FREM1: variants seen among roughly 807,000 people sequenced by gnomAD.
FREM1 encodes FRAS1 related extracellular matrix 1.
Under a neutral mutation model 210.1 loss-of-function variants are expected in FREM1, and 220 were observed. The observed-to-expected ratio is 1.05, with a 90% CI of 0.94 to 1.17. The LOEUF (loss-of-function observed/expected upper bound fraction) is 1.17. FREM1 is among the 50% of genes most tolerant of loss of function. The pLI, the probability that FREM1 is intolerant of heterozygous loss-of-function variation, is 0.00. For missense variants in FREM1, 3,454 were observed against 2,675.5 expected (o/e 1.29, Z -6.42); for synonymous variants, 1,189 against 980.2 (o/e 1.21, Z -3.98).
At chr9:14,762,151 T>A (rs1379383091) in intron 27 of FREM1, among the ~76,000 whole-genome samples, 1 of 150,908 alleles carries the variant, frequency 6.6e-6, no homozygotes, top group East Asian at 1.9e-4. Flanking sequence ...CCAATAGAAA[T>A]ATGTTGCAAA....
chr9:14,781,569 T>C (rs550193655), intron 24 of FREM1, among the ~76,000 whole-genome samples: 1 of 152,290 alleles, frequency 6.6e-6, no homozygotes, highest in South Asian at 2.1e-4. Flanking sequence ...ATATTTAGTT[T>C]TATGGTATTT....
chr9:14,846,089 G>T lies in FREM1; in HGVS notation c.1264C>A (p.Leu422Met). The T allele has an allele frequency of 6.4e-7, 1 of 1,568,514 alleles. No individual in the cohort carries two copies. Among genetic ancestry groups the T allele is most frequent in the Non-Finnish European group, 8.7e-7 (1 of 1,155,590 alleles). ...NAPRVSWNTG[L>M]SLLEGQSRAI... The stretch of plus-strand genomic sequence containing the variant: ...CGAGACTGCCCCTCAAGGAGACTCA[G>T]ACCTATGAAAGAAAGGAGAAAAGGG... Residue 422 changes from leucine (L) to methionine (M), a missense_variant and splice_region_variant, in exon 8 of 37, where the codon CTG becomes ATG. Transcript: ENST00000380880.
intron 23 of FREM1, among the ~76,000 whole-genome samples, chr9:14,788,204 T>C (rs150796277): frequency 6.6e-6 from 1 of 152,280 alleles, no homozygotes; most frequent in East Asian, 1.9e-4. Context: ...GAATGAGATA[T>C]GATCCTCACA....
intron 24 of FREM1, among the ~76,000 whole-genome samples, chr9:14,777,595 C>A (rs2132669633): frequency 6.6e-6 from 1 of 152,054 alleles, no homozygotes; most frequent in East Asian, 1.9e-4. Flanking sequence ...CTATACATAA[C>A]ATTTTTATGT....
In FREM1 at chr9:14,775,880, T is replaced by G; in HGVS notation, c.4766A>C (p.Asp1589Ala). 2 of 1,613,864 alleles carry G rather than the reference T, an allele frequency of 1.2e-6. No individual in the cohort carries two copies. The highest frequency in any genetic ancestry group is 1.7e-6 in the Non-Finnish European group (2 of 1,179,788). Residue 1589 changes from aspartate to alanine, a missense_variant, in exon 25 of 37, where the codon GAC (aspartate) becomes GCC (alanine). Coordinates refer to ENST00000380880, the MANE Select transcript of FREM1 (RefSeq NM_001379081.2). ...ATCTGTGGCCATGAAAGTAAAGCAG[T>G]CAGTCTGGGAGTCCCCTCCTGAGTG... Reference protein sequence around the residue: ...YRHSGGDSQTDCFTFMATDGT... With the variant: ...YRHSGGDSQTACFTFMATDGT...
At chr9:14,903,313 G>T (rs1034616109) in intron 1 of FREM1, among the ~76,000 whole-genome samples, 4 of 152,168 alleles carry the variant, frequency 2.6e-5, no homozygotes, top group African/African-American at 9.7e-5. Flanking sequence ...TAAAAGGAAA[G>T]AAAATTATGA....
intron 24 of FREM1, among the ~76,000 whole-genome samples, chr9:14,782,598 C>G (rs1256798958): frequency 1.3e-5 from 2 of 152,100 alleles, no homozygotes; most frequent in Non-Finnish European, 2.9e-5. Context: ...CATAAGCAAA[C>G]AGGAAAAAAA....
intron 3 of FREM1, among the ~76,000 whole-genome samples, chr9:14,860,662 TACATATATACAC>T (rs1829772227): frequency 6.8e-5 from 9 of 133,224 alleles, no homozygotes; most frequent in East Asian, 4.1e-4. Context: ...TACACATATA[TACATATATACAC>T]ACATATATAC....
chr9:14,821,027 G>C (rs1252674114), intron 13 of FREM1, among the ~76,000 whole-genome samples: 1 of 152,078 alleles, frequency 6.6e-6, no homozygotes, highest in Non-Finnish European at 1.5e-5. Context: ...AAAAATAAAA[G>C]CATAAGGCTA....
chr9:14,756,936 T>A (rs1302653059), intron 28 of FREM1, among the ~76,000 whole-genome samples: 1 of 152,142 alleles, frequency 6.6e-6, no homozygotes, highest in Non-Finnish European at 1.5e-5. Context: ...GCCTTTAGAC[T>A]AGATTAACTC....
intron 10 of FREM1, among the ~76,000 whole-genome samples, chr9:14,827,824 T>TGCATTTTC (rs1411047133): frequency 6.6e-6 from 1 of 152,220 alleles, no homozygotes; most frequent in Non-Finnish European, 1.5e-5. Flanking sequence ...CTCTGCTCCC[T>TGCATTTTC]GCATTCTGAT....
At chr9:14,766,631 T>C (rs565621906) in intron 27 of FREM1, among the ~76,000 whole-genome samples, 6 of 152,186 alleles carry the variant, frequency 3.9e-5, no homozygotes, top group Non-Finnish European at 7.3e-5. Flanking sequence ...TAGCCAAAAC[T>C]GACCAACAGT....
chr9:14,891,032 G>A (rs768801129), intron 1 of FREM1, among the ~76,000 whole-genome samples: 1 of 152,082 alleles, frequency 6.6e-6, no homozygotes, highest in African/African-American at 2.4e-5. Flanking sequence ...CTTCATCAGG[G>A]ACCTACCGTG....
intron 1 of FREM1, among the ~76,000 whole-genome samples, chr9:14,896,602 C>G (rs1376126201): frequency 6.8e-6 from 1 of 146,212 alleles, no homozygotes; most frequent in Non-Finnish European, 1.5e-5. Flanking sequence ...TAGCATATAA[C>G]TAAGAAATAA....
intron 1 of FREM1, among the ~76,000 whole-genome samples, chr9:14,888,297 G>C (rs1287919486): frequency 6.6e-6 from 1 of 152,100 alleles, no homozygotes; most frequent in African/African-American, 2.4e-5. Flanking sequence ...GCCTGGTTTT[G>C]TCCAACTCCA....
intron 20 of FREM1, among the ~76,000 whole-genome samples, chr9:14,800,426 G>C (rs904821594): frequency 6.6e-6 from 1 of 152,084 alleles, no homozygotes; most frequent in African/African-American, 2.4e-5. Flanking sequence ...GTGAAAAGTG[G>C]GATAAGATTG....
intron 11 of FREM1, 72 bp from the exon 12 acceptor site, chr9:14,824,187 C>T: frequency 1.1e-6 from 1 of 914,828 alleles, no homozygotes; most frequent in Non-Finnish European, 1.7e-6. Context: ...AGCCCACAAT[C>T]AAAAACTGAA....
In FREM1 at chr9:14,824,014, T is replaced by G. The variant is rs377670533; in HGVS notation, c.2169+11A>C. On this transcript the variant is annotated intron_variant, in intron 12 of 36. Coordinates refer to ENST00000380880, the MANE Select transcript of FREM1 (RefSeq NM_001379081.2). ...CATCATGTTTGTCAGCATTTTAGCATATCCTCATACCTGAGTGAATGACCT... is the reference window on the plus strand; with the variant it reads ...CATCATGTTTGTCAGCATTTTAGCAGATCCTCATACCTGAGTGAATGACCT... 576 of 1,543,684 alleles carry G rather than the reference T, an allele frequency of 3.7e-4. 1 individual carries two copies. Among genetic ancestry groups the G allele is most frequent in the Non-Finnish European group, 4.9e-4 (550 of 1,130,194 alleles).
At chr9:14,769,630 G>C in intron 27 of FREM1, 94 bp downstream of exon 27, 1 of 1,261,494 alleles carries the variant, frequency 7.9e-7, no homozygotes. Flanking sequence ...TTATCTTCTT[G>C]GGTTCTGTTT....
Sources: allele counts gnomAD v4.1 joint callset (sites outside exome capture counted in the v4.1 genomes callset), GRCh38; gene constraint gnomAD v4.1.1; transcripts MANE v1.5; gene names NCBI Gene and HGNC (gene_info 2026-07-23, HGNC 2026-07-21).